Variants in ESR1 observed in about 807,000 individuals in gnomAD.
The protein encoded by ESR1 is estrogen receptor 1.
A neutral mutation model predicts 52.7 loss-of-function variants in ESR1; 12 were observed. That is an observed-to-expected ratio of 0.23 (90% CI 0.15 to 0.37). ESR1 has a LOEUF of 0.37. Ranked by LOEUF, ESR1 falls within the 10% of genes least tolerant of loss-of-function variation. ESR1 has a pLI of 1.00. For synonymous variants in ESR1, 305 were observed against 316.8 expected, an observed-to-expected ratio of 0.96 and a Z score of 0.39; for missense variants, 584 against 779.7, an observed-to-expected ratio of 0.75 and a Z score of 2.99.
intron 4 of ESR1, among the ~76,000 whole-genome samples, chr6:151,974,603 A>G (rs2039252358): frequency 6.6e-6 from 1 of 152,232 alleles, no homozygotes; most frequent in Non-Finnish European, 1.5e-5. Context: ...TGAAAGAGGA[A>G]TAATACTAGG....
At chr6:152,042,495 A>G (rs1348551711) in intron 5 of ESR1, among the ~76,000 whole-genome samples, 1 of 152,170 alleles carries the variant, frequency 6.6e-6, no homozygotes, top group Non-Finnish European at 1.5e-5. Flanking sequence ...TTACCCTGGT[A>G]AAAGGCCAGA....
At chr6:152,048,845 A>G (rs913666173) in intron 5 of ESR1, among the ~76,000 whole-genome samples, 1 of 152,248 alleles carries the variant, frequency 6.6e-6, no homozygotes, top group African/African-American at 2.4e-5. Flanking sequence ...CCCTGCTCTC[A>G]GATATATAAC....
At chr6:151,796,099 G>C (rs1331163367) in intron 2 of ESR1, among the ~76,000 whole-genome samples, 1 of 151,452 alleles carries the variant, frequency 6.6e-6, no homozygotes, top group Non-Finnish European at 1.5e-5. Context: ...CCAGGAGGCG[G>C]AGCTTGCAGT....
chr6:152,086,201 T>C (rs537968965), intron 6 of ESR1, among the ~76,000 whole-genome samples: 160 of 152,202 alleles, frequency 1.1e-3, no homozygotes, highest in Non-Finnish European at 1.7e-3. Context: ...CTTGGGAAGA[T>C]AGTAACTGAC....
intron 3 of ESR1, among the ~76,000 whole-genome samples, chr6:151,917,048 G>T (rs2030406301): frequency 6.6e-6 from 1 of 152,176 alleles, no homozygotes. Context: ...CCAAGAGAAT[G>T]TAATTGGATG....
At chr6:151,909,014 T>C (rs112269617) in intron 3 of ESR1, among the ~76,000 whole-genome samples, 221 of 152,290 alleles carry the variant, frequency 1.5e-3, no homozygotes, top group Middle Eastern at 0.01. Context: ...CTGAAAAATC[T>C]CAAAGTTGAA....
At chr6:151,745,264 ACTT>A (rs1363301220) in intron 2 of ESR1, among the ~76,000 whole-genome samples, 1 of 152,010 alleles carries the variant, frequency 6.6e-6, no homozygotes, top group Non-Finnish European at 1.5e-5. Flanking sequence ...GCCATCCTTG[ACTT>A]CTTAGCTGGT....
At chr6:151,824,090 A>T (rs1781054634) in intron 1 of ESR1, among the ~76,000 whole-genome samples, 1 of 152,108 alleles carries the variant, frequency 6.6e-6, no homozygotes, top group Non-Finnish European at 1.5e-5. Flanking sequence ...TCCCACCAAC[A>T]GTGTAAAAGT....
At chr6:151,817,742 C>A (rs1466314118) in intron 1 of ESR1, among the ~76,000 whole-genome samples, 2 of 152,160 alleles carry the variant, frequency 1.3e-5, no homozygotes, top group Admixed American at 1.3e-4. Context: ...GCCAGTTAGC[C>A]TGTATAATTC....
intron 2 of ESR1, among the ~76,000 whole-genome samples, chr6:151,848,222 G>A (rs528132768): frequency 6.7e-4 from 68 of 102,160 alleles, no homozygotes; most frequent in Non-Finnish European, 7.8e-4. Flanking sequence ...GTAAACTATC[G>A]CAAGAACAAA....
In ESR1 at chr6:151,807,880, A is replaced by AC. The variant is rs780218529; in HGVS notation, c.-32dup. 1.3e-6 allele frequency: 2 copies of AC among 1,593,594 alleles called. No individual in the cohort carries two copies. The highest frequency in any genetic ancestry group is 2.2e-5 in the South Asian group (2 of 90,260). ...TTTCTGAGCCTTCTGCCCTGCGGGG[A>AC]CACGGTCTGCACCCTGCCCGCGGCC... is the stretch of plus-strand genomic sequence containing the variant. On this transcript the variant is annotated 5_prime_UTR_variant, in exon 1 of 8. Coordinates refer to ENST00000206249, the MANE Select transcript of ESR1 (RefSeq NM_000125.4).
rs2050965921 is a variant in ESR1 at position 152,101,563 on chromosome 6, ATC to A, written c.*2601_*2602del. The A allele has an allele frequency of 8.7e-6, 2 of 230,790 alleles. No individual in the cohort carries two copies. The highest frequency in any genetic ancestry group is 4.4e-5 in the African/African-American group (2 of 45,198). 14.3% of individuals were successfully genotyped at this position (230,790 alleles called of 1,614,324 possible). A position where few individuals can be genotyped will look rare whatever the true frequency, so the allele number is the denominator to read the frequency against. The stretch of plus-strand genomic sequence containing the variant: ...CCAGGGGTCTCCAGCAACTTTGGAA[ATC>A]TCTTTGTATTTTTACTTGAAGTGCC... On this transcript the variant is annotated 3_prime_UTR_variant, in exon 8 of 8. Coordinates refer to ENST00000206249, the MANE Select transcript of ESR1 (RefSeq NM_000125.4).
chr6:151,678,789 C>T (rs1489140169), intron 1 of ESR1, among the ~76,000 whole-genome samples: 1 of 151,682 alleles, frequency 6.6e-6, no homozygotes, highest in Admixed American at 6.6e-5. Flanking sequence ...TGGGTTCAAG[C>T]GATTCCCCTG....
intron 2 of ESR1, among the ~76,000 whole-genome samples, chr6:151,785,904 C>T (rs563925570): frequency 3.4e-4 from 51 of 152,216 alleles, no homozygotes; most frequent in South Asian, 6.2e-4. Context: ...GTTAATTATT[C>T]CTCTATTCAT....
intron 7 of ESR1, among the ~76,000 whole-genome samples, chr6:152,095,356 G>T (rs991319094): frequency 6.6e-6 from 1 of 152,194 alleles, no homozygotes; most frequent in Non-Finnish European, 1.5e-5. Flanking sequence ...GTCATCGGGG[G>T]GAGGTTCTTC....
At chr6:151,854,339 AT>A (rs927659313) in intron 2 of ESR1, among the ~76,000 whole-genome samples, 6 of 151,634 alleles carry the variant, frequency 4.0e-5, no homozygotes, top group African/African-American at 1.4e-4. Context: ...AGCAGATTTG[AT>A]TTTTTTTTAA....
intron 4 of ESR1, among the ~76,000 whole-genome samples, chr6:151,975,371 T>C (rs73628476): frequency 0.043 from 6,471 of 152,248 alleles, 415 homozygotes; most frequent in African/African-American, 0.14. Context: ...TGTTTTTTTT[T>C]TCTAATAAAA....
intron 4 of ESR1, among the ~76,000 whole-genome samples, chr6:151,978,194 G>C (rs1244554465): frequency 6.6e-6 from 1 of 151,978 alleles, no homozygotes; most frequent in Non-Finnish European, 1.5e-5. Flanking sequence ...ATCCAATAGA[G>C]GGCATCTGGA....
At chr6:152,037,652 A>T (rs955848314) in intron 5 of ESR1, among the ~76,000 whole-genome samples, 1 of 152,218 alleles carries the variant, frequency 6.6e-6, no homozygotes, top group Non-Finnish European at 1.5e-5. Context: ...CTTGTGGTTC[A>T]TAATGTGTTA....
Sources: allele counts gnomAD v4.1 joint callset (sites outside exome capture counted in the v4.1 genomes callset), GRCh38; gene constraint gnomAD v4.1.1; transcripts MANE v1.5; gene names NCBI Gene and HGNC (gene_info 2026-07-23, HGNC 2026-07-21).